The following PDLIM3 variants were observed in gnomAD, a reference collection of about 807,000 sequenced individuals.
The protein encoded by PDLIM3 is PDZ and LIM domain 3.
PDLIM3 carries 36 observed loss-of-function variants against 37.3 expected under a neutral mutation model. The ratio of observed to expected loss-of-function variants is 0.97; its 90% CI spans 0.74 to 1.28. The LOEUF is 1.28. Ranked by LOEUF, PDLIM3 falls within the 50% of genes most tolerant of loss-of-function variation. PDLIM3 has a pLI of 0.00. For synonymous variants in PDLIM3, 174 were observed against 182.4 expected (o/e 0.95, Z 0.37); for missense variants, 454 against 485.0 (o/e 0.94, Z 0.60).
intron 3 of PDLIM3, chr4:185,516,381 A>G (rs2095714917): frequency 1.3e-5 from 2 of 152,248 alleles, no homozygotes; most frequent in African/African-American, 2.4e-5. Flanking sequence ...TCTTTAAAAC[A>G]TTAAAAGATC....
chr4:185,516,164 G>A (rs1240068032), intron 3 of PDLIM3: 1 of 152,250 alleles, frequency 6.6e-6, no homozygotes, highest in Non-Finnish European at 1.5e-5. Context: ...GCCTCCCAGA[G>A]TGCTGGGATT....
intron 2 of PDLIM3, among the ~76,000 whole-genome samples, chr4:185,524,072 G>A (rs2095728371): frequency 6.6e-6 from 1 of 151,944 alleles, no homozygotes; most frequent in Admixed American, 6.6e-5. Context: ...TGACCACCAG[G>A]CAAGCTCCCT....
intron 7 of PDLIM3, among the ~76,000 whole-genome samples, chr4:185,502,703 G>A (rs1340512027): frequency 6.6e-6 from 1 of 152,114 alleles, no homozygotes; most frequent in Non-Finnish European, 1.5e-5. Flanking sequence ...TGATGTTGAC[G>A]TGTGACTATT....
intron 1 of PDLIM3, among the ~76,000 whole-genome samples, chr4:185,534,845 G>A (rs543856947): frequency 1.8e-4 from 28 of 152,200 alleles, no homozygotes; most frequent in African/African-American, 2.7e-4. Flanking sequence ...GTCGTGCCCC[G>A]CGAACAGCGC....
chr4:185,532,050 A>T (rs2095745466), intron 1 of PDLIM3, among the ~76,000 whole-genome samples: 1 of 152,086 alleles, frequency 6.6e-6, no homozygotes, highest in Admixed American at 6.5e-5. Context: ...GTGAGGCGAG[A>T]TCGCGCCACT....
intron 1 of PDLIM3, among the ~76,000 whole-genome samples, chr4:185,528,858 G>A (rs115214118): frequency 0.014 from 2,058 of 152,280 alleles, 43 homozygotes; most frequent in African/African-American, 0.048. Flanking sequence ...AAATGACTGC[G>A]AAATTGGCCT....
chr4:185,503,038 T>C (rs192220694), intron 7 of PDLIM3, among the ~76,000 whole-genome samples: 243 of 152,044 alleles, frequency 1.6e-3, no homozygotes, highest in South Asian at 4.6e-3. Flanking sequence ...CCATCCTGGC[T>C]AACACGGTGA....
In PDLIM3 at chr4:185,514,017, G is replaced by A; in HGVS notation, c.398+253C>T. ...GGATGGGATCCCCAGAGCCTCAGGG[G>A]TGTTCGCTATAAATACACGTGGTGA... On this transcript the variant is annotated intron_variant, in intron 4 of 7. Coordinates refer to ENST00000284767, the MANE Select transcript of PDLIM3 (RefSeq NM_014476.6). The surrounding 1 kb of genome is among the most constrained non-coding windows in gnomAD (Gnocchi z 4.0). The A allele has an allele frequency of 1.5e-6, 2 of 1,358,894 alleles. No individual in the cohort carries two copies. Among genetic ancestry groups the A allele is most frequent in the South Asian group, 1.5e-5 (1 of 66,556 alleles). The allele number at this position is 1,358,894 out of a possible 1,614,324, so 84.2% of individuals were successfully genotyped here. A position where few individuals can be genotyped will look rare whatever the true frequency, so the allele number is the denominator to read the frequency against.
intron 1 of PDLIM3, among the ~76,000 whole-genome samples, chr4:185,525,699 G>C (rs1561202472): frequency 6.6e-6 from 1 of 152,136 alleles, no homozygotes; most frequent in Non-Finnish European, 1.5e-5. Context: ...GGGACTTTTG[G>C]GGGGTAATTA....
intron 1 of PDLIM3, among the ~76,000 whole-genome samples, chr4:185,534,495 A>C (rs139477330): frequency 6.6e-6 from 1 of 152,354 alleles, no homozygotes; most frequent in African/African-American, 2.4e-5. Context: ...TAGACCAAAT[A>C]ATGCTTTAGA....
At chr4:185,513,114 TG>T (rs1229533269) in intron 4 of PDLIM3, 1 of 983,712 alleles carries the variant, frequency 1.0e-6, no homozygotes, top group Non-Finnish European at 1.2e-6. Flanking sequence ...TTCTAGGTGC[TG>T]GGGGTATAAT....
At position 185,504,800 on chromosome 4, in the gene PDLIM3, A is replaced by C. The variant is rs1207175468; in HGVS notation, c.794-214T>G. On this transcript the variant is annotated intron_variant, in intron 6 of 7. Transcript: ENST00000284767. This position sits in a 1 kb window ranked among gnomAD's most constrained non-coding sequence, Gnocchi z 4.7. ...ACATTTATTTTGTTGTGGTTGGAGG[A>C]AACTGTTACAAAAACGCTCAAAGGA... 6.6e-6 allele frequency among the ~76,000 whole-genome samples: 1 copy of C among 152,232 alleles called. No individual in the cohort carries two copies. The highest frequency in any genetic ancestry group is 2.4e-5 in the African/African-American group (1 of 41,456).
intron 4 of PDLIM3, chr4:185,513,423 T>C (rs892209952): frequency 3.7e-5 from 35 of 935,496 alleles, no homozygotes; most frequent in Non-Finnish European, 4.3e-5. Context: ...AGGTCACACA[T>C]GTATGAAAAT....
intron 1 of PDLIM3, among the ~76,000 whole-genome samples, chr4:185,531,926 T>TAAA (rs33963949): frequency 0.49 from 51,442 of 105,688 alleles, 14,571 homozygotes; most frequent in South Asian, 0.62. Flanking sequence ...CTATCTCTAC[T>TAAA]AAAAAAAAAA....
rs113679669 is a variant in PDLIM3 at position 185,513,530 on chromosome 4, T to TTTA, written c.398+739_398+740insTAA. The TTTA allele has an allele frequency of 2.6e-3, 2,575 of 971,882 alleles. 46 individuals carry two copies. The African/African-American group carries it at 0.042, about 16-fold the overall frequency. 60.2% of individuals were successfully genotyped at this position (971,882 alleles called of 1,614,324 possible). On this transcript the variant is annotated intron_variant, in intron 4 of 7. Transcript: ENST00000284767. ...GGCACTTAAATTCTTTTTTTTTTTT[T>TTTA]AAACAAAAGAATTAAATAAAACATG...
intron 1 of PDLIM3, among the ~76,000 whole-genome samples, chr4:185,531,480 AT>A (rs1220589524): frequency 2.6e-5 from 4 of 152,192 alleles, no homozygotes; most frequent in Non-Finnish European, 5.9e-5. Context: ...TAATACAAAG[AT>A]TCATCTGGCT....
In PDLIM3 at chr4:185,514,613, T is replaced by C; in HGVS notation, c.331-276A>G. The C allele has an allele frequency of 7.3e-7, 1 of 1,362,454 alleles. No individual in the cohort carries two copies. The highest frequency in any genetic ancestry group is 9.9e-7 in the Non-Finnish European group (1 of 1,012,218). The allele number at this position is 1,362,454 out of a possible 1,614,324, so 84.4% of individuals were successfully genotyped here. A position where few individuals can be genotyped will look rare whatever the true frequency, so the allele number is the denominator to read the frequency against. On this transcript the variant is annotated intron_variant, in intron 3 of 7. Transcript: ENST00000284767. This position sits in a 1 kb window ranked among gnomAD's most constrained non-coding sequence, Gnocchi z 4.0. ...GATAGTGCCTTCAGGAAAGTAAAAA[T>C]AAAACAGCAAGAGCTGGACTTTTGA...
At chr4:185,523,069 AC>A (rs2095725320) in intron 3 of PDLIM3, 1 of 340,622 alleles carries the variant, frequency 2.9e-6, no homozygotes, top group African/African-American at 2.1e-5. Context: ...CGGTCATTTC[AC>A]AGAAGTCCAT....
chr4:185,503,784 C>T (rs564971401), intron 7 of PDLIM3, among the ~76,000 whole-genome samples: 1 of 152,220 alleles, frequency 6.6e-6, no homozygotes, highest in East Asian at 1.9e-4. Context: ...CCCCTCTCTA[C>T]CAAAAATACA....
Sources: gnomAD v4.1 joint callset for allele counts (sites outside exome capture counted in the v4.1 genomes callset) on GRCh38, gnomAD v4.1.1 for gene constraint, Gnocchi (gnomAD v3.1) non-coding constraint, MANE v1.5 for transcripts, NCBI Gene and HGNC (gene_info 2026-07-23, HGNC 2026-07-21) for gene names.